The following CSMD2 variants were observed in gnomAD, a reference collection of about 807,000 sequenced individuals.
CSMD2 encodes CUB and sushi domain-containing protein 2.
CSMD2 carries 130 observed loss-of-function variants against 398.5 expected under a neutral mutation model. That is an observed-to-expected ratio of 0.33 (90% CI 0.28 to 0.38). The LOEUF is 0.38. Ranked by LOEUF, CSMD2 falls within the 10% of genes least tolerant of loss-of-function variation. The pLI is 1.00. For synonymous variants in CSMD2, 1,828 were observed against 1,908.5 expected (o/e 0.96, Z 1.10); for missense variants, 3,829 against 4,764.9 (o/e 0.80, Z 5.78).
intron 24 of CSMD2, among the ~76,000 whole-genome samples, chr1:33,695,870 C>A (rs1645405430): frequency 6.6e-6 from 1 of 152,226 alleles, no homozygotes; most frequent in Non-Finnish European, 1.5e-5. Context: ...GCTGTGACAT[C>A]TTTTGTGACA....
chr1:33,974,230 A>C (rs1223836658), intron 3 of CSMD2, among the ~76,000 whole-genome samples: 1 of 152,198 alleles, frequency 6.6e-6, no homozygotes, highest in African/African-American at 2.4e-5. Flanking sequence ...GCTCACAGGG[A>C]CAGGTGTTGG....
At position 33,519,513 on chromosome 1, in the gene CSMD2, G is replaced by A. The variant is rs1285700735; in HGVS notation, c.*5C>T. ...GGTGGCGGTGGTGGCGGCCAGGCCG[G>A]GTGGCTATACTGCTGTGCACACTGT... On this transcript the variant is annotated 3_prime_UTR_variant, in exon 70 of 71. Transcript: ENST00000373381. This position sits in a 1 kb window ranked among gnomAD's most constrained non-coding sequence, Gnocchi z 5.6. 4 of 1,612,678 alleles carry A rather than the reference G, an allele frequency of 2.5e-6. No individual in the cohort carries two copies. Among genetic ancestry groups the A allele is most frequent in the Non-Finnish European group, 3.4e-6 (4 of 1,179,762 alleles).
chr1:33,946,412 C>T (rs1239152064), intron 3 of CSMD2, among the ~76,000 whole-genome samples: 1 of 152,136 alleles, frequency 6.6e-6, no homozygotes, highest in African/African-American at 2.4e-5. Context: ...TTTTTCTTGA[C>T]AAACATGTCT....
chr1:33,960,851 C>A (rs1441641202), intron 3 of CSMD2, among the ~76,000 whole-genome samples: 2 of 152,128 alleles, frequency 1.3e-5, no homozygotes, highest in African/African-American at 4.8e-5. Context: ...GGTTTGAGGG[C>A]GACTCTGGAA....
chr1:33,552,015 T>C lies in CSMD2; in HGVS notation c.8744-1665A>G, dbSNP rs751528350. Among the ~76,000 whole-genome samples, 112 of 152,182 alleles carry C rather than the reference T, an allele frequency of 7.4e-4. 1 individual carries two copies. The highest frequency in any genetic ancestry group is 2.1e-4 in the South Asian group (1 of 4,828). On this transcript the variant is annotated intron_variant, in intron 55 of 70. Transcript: ENST00000373381. ...CCATCTCGGATCTTCTAGGCCCACCTGAGCCACAACAGCCAATAACATGTG... is the reference window on the plus strand; with the variant it reads ...CCATCTCGGATCTTCTAGGCCCACCCGAGCCACAACAGCCAATAACATGTG...
intron 3 of CSMD2, among the ~76,000 whole-genome samples, chr1:34,019,087 T>C (rs1648532812): frequency 6.6e-6 from 1 of 152,192 alleles, no homozygotes; most frequent in Non-Finnish European, 1.5e-5. Context: ...ATCTGTAAAA[T>C]GGAGATAATA....
At chr1:33,677,676 C>T (rs1010819904) in intron 25 of CSMD2, among the ~76,000 whole-genome samples, 21 of 151,946 alleles carry the variant, frequency 1.4e-4, no homozygotes, top group African/African-American at 5.1e-4. Flanking sequence ...TATGGCGGCA[C>T]TATTCACAAT....
At chr1:33,703,658 T>A (rs527986684) in intron 22 of CSMD2, among the ~76,000 whole-genome samples, 1 of 152,366 alleles carries the variant, frequency 6.6e-6, no homozygotes, top group South Asian at 2.1e-4. Flanking sequence ...CATGTCCGCT[T>A]GCACACGTGT....
chr1:33,677,588 T>C (rs1190356378), intron 25 of CSMD2, among the ~76,000 whole-genome samples: 2 of 152,134 alleles, frequency 1.3e-5, no homozygotes, highest in Non-Finnish European at 2.9e-5. Flanking sequence ...TACCATTTGA[T>C]TCAGCCATTC....
chr1:34,019,806 A>G (rs1422944495), intron 3 of CSMD2, among the ~76,000 whole-genome samples: 1 of 152,016 alleles, frequency 6.6e-6, no homozygotes, highest in Non-Finnish European at 1.5e-5. Flanking sequence ...CCTGTCCCTC[A>G]AGCCAGTTCA....
chr1:33,607,606 T>C (rs1471435210), intron 41 of CSMD2, among the ~76,000 whole-genome samples: 1 of 152,228 alleles, frequency 6.6e-6, no homozygotes, highest in Non-Finnish European at 1.5e-5. Flanking sequence ...CTTAGGCCTC[T>C]GGCCCTAGAG....
At chr1:33,922,922 A>T (rs1553253914) in intron 4 of CSMD2, among the ~76,000 whole-genome samples, 2 of 151,994 alleles carry the variant, frequency 1.3e-5, no homozygotes, top group Non-Finnish European at 2.9e-5. Flanking sequence ...CAGTTTTTTA[A>T]ATTTTATTTT....
intron 3 of CSMD2, among the ~76,000 whole-genome samples, chr1:33,990,858 C>T (rs1376708079): frequency 6.6e-6 from 1 of 152,132 alleles, no homozygotes; most frequent in Non-Finnish European, 1.5e-5. Flanking sequence ...TATACAATCC[C>T]AGCTAAATCT....
intron 5 of CSMD2, among the ~76,000 whole-genome samples, chr1:33,893,153 T>A (rs1642145126): frequency 1.3e-5 from 2 of 152,124 alleles, no homozygotes; most frequent in Admixed American, 1.3e-4. Context: ...CCTGGTACAA[T>A]CTGAATGGAA....
intron 47 of CSMD2, among the ~76,000 whole-genome samples, chr1:33,581,485 G>A (rs183409766): frequency 1.6e-5 from 2 of 126,024 alleles, no homozygotes; most frequent in Admixed American, 1.0e-4. Context: ...AGCCAAGATC[G>A]CACCACTGTG....
Position 33,652,440 on chromosome 1 carries a change from G to C in CSMD2, c.4469C>G (p.Thr1490Arg). ...TGAGAGGATGACTCCAGATGGTCCT[G>C]TCAGGTCTCCCCCGCAGGGAGCTGA... ...TCIAPCGGDL[T>R]GPSGVILSPN... The change falls in exon 28 of 71, where the codon ACA (threonine) becomes AGA (arginine). Residue 1490 changes from threonine (T) to arginine (R), a missense_variant. Thr to Arg is a moderately conservative substitution (Grantham distance 71). Transcript: ENST00000373381. 6.2e-7 allele frequency: 1 copy of C among 1,614,196 alleles called. No individual in the cohort carries two copies. The highest frequency in any genetic ancestry group is 8.5e-7 in the Non-Finnish European group (1 of 1,180,026).
At chr1:33,745,684 G>A (rs144367581) in intron 13 of CSMD2, among the ~76,000 whole-genome samples, 1 of 152,224 alleles carries the variant, frequency 6.6e-6, no homozygotes, top group Non-Finnish European at 1.5e-5. Context: ...AGCAAAGTAA[G>A]CCTGGTTCTT....
At chr1:34,108,086 G>T (rs1045077273) in intron 1 of CSMD2, among the ~76,000 whole-genome samples, 1 of 152,032 alleles carries the variant, frequency 6.6e-6, no homozygotes, top group Non-Finnish European at 1.5e-5. Context: ...GCTTGTCAAC[G>T]GTGTCTTTCT....
rs59695412 is a variant in CSMD2, at chr1:33,708,591, C to CTTATTATTA, written c.3576+489_3576+497dup. Among the ~76,000 whole-genome samples, 752 of 141,042 alleles carry CTTATTATTA rather than the reference C, an allele frequency of 5.3e-3. 9 individuals are homozygous for CTTATTATTA. The highest frequency in any genetic ancestry group is 0.012 in the African/African-American group (471 of 37,884). 92.5% of individuals were successfully genotyped at this position (141,042 alleles called of 152,430 possible). A position where few individuals can be genotyped will look rare whatever the true frequency, so the allele number is the denominator to read the frequency against. On this transcript the variant is annotated intron_variant, in intron 22 of 70. Coordinates refer to ENST00000373381, the MANE Select transcript of CSMD2 (RefSeq NM_001281956.2). The stretch of plus-strand genomic sequence containing the variant: ...GGATCCATTGGCTGCTCCAACCGAA[C>CTTATTATTA]TTATTATTATTATTATTATTATTAT...
Sources: gnomAD v4.1 joint callset for allele counts (sites outside exome capture counted in the v4.1 genomes callset) on GRCh38, gnomAD v4.1.1 for gene constraint, Gnocchi (gnomAD v3.1) non-coding constraint, MANE v1.5 for transcripts, NCBI Gene and HGNC (gene_info 2026-07-23, HGNC 2026-07-21) for gene names.